Variants in NLGN4Y observed in about 807,000 individuals in gnomAD.
NLGN4Y encodes the protein neuroligin-4, Y-linked.
A neutral mutation model predicts 8.4 loss-of-function variants in NLGN4Y; 4 were observed. The ratio of observed to expected loss-of-function variants is 0.48; its 90% CI spans 0.23 to 1.09. The LOEUF is 1.09. NLGN4Y is among the 50% of genes least tolerant of loss of function. The probability of loss-of-function intolerance (pLI) is 0.19; values close to 1 mark genes in which losing one functional copy is unlikely to be tolerated. For missense variants in NLGN4Y, 90 were observed against 192.3 expected (o/e 0.47, Z 3.15); for synonymous variants, 35 against 75.6 (o/e 0.46, Z 2.78).
At chrY:14,598,905 A>G in intron 1 of NLGN4Y, among the ~76,000 whole-genome samples, 1 of 25,844 alleles carries the variant, frequency 3.9e-5, no homozygotes, top group Non-Finnish European at 8.7e-5. Flanking sequence ...ATATATATAT[A>G]TATATATCGC....
At chrY:14,749,366 G>A in intron 4 of NLGN4Y, among the ~76,000 whole-genome samples, 1 of 32,914 alleles carries the variant, frequency 3.0e-5, no homozygotes, top group African/African-American at 1.2e-4. Context: ...TATTTCTCAT[G>A]CATCCAGTAG....
At chrY:14,554,938 A>G (rs2080206625) in intron 1 of NLGN4Y, among the ~76,000 whole-genome samples, 1 of 33,453 alleles carries the variant, frequency 3.0e-5, no homozygotes, top group Non-Finnish European at 7.4e-5. Context: ...TGAAAAGTCA[A>G]TGTATTAATA....
chrY:14,785,017 A>T (rs2042957363), intron 4 of NLGN4Y, among the ~76,000 whole-genome samples: 1 of 33,276 alleles, frequency 3.0e-5, no homozygotes, highest in Non-Finnish European at 7.4e-5. Flanking sequence ...GAGGATAAGG[A>T]AAAATAAGTA....
chrY:14,786,626 G>A, intron 4 of NLGN4Y, among the ~76,000 whole-genome samples: 2 of 32,758 alleles, frequency 6.1e-5, no homozygotes, highest in African/African-American at 2.4e-4. Flanking sequence ...ATAGTTGCTG[G>A]AGGCTATTAT....
chrY:14,536,932 T>A, intron 1 of NLGN4Y, among the ~76,000 whole-genome samples: 1 of 33,063 alleles, frequency 3.0e-5, no homozygotes, highest in African/African-American at 1.2e-4. Context: ...ATTGCATCAT[T>A]TATGTGGACA....
chrY:14,539,943 C>T (rs779465586), intron 1 of NLGN4Y, among the ~76,000 whole-genome samples: 1 of 31,700 alleles, frequency 3.2e-5, no homozygotes, highest in South Asian at 7.5e-4. Context: ...TTGGTGAGAA[C>T]CATTCACTCC....
chrY:14,610,619 TC>T (rs2080463779), intron 1 of NLGN4Y, among the ~76,000 whole-genome samples: 2 of 32,899 alleles, frequency 6.1e-5, no homozygotes, highest in East Asian at 1.6e-3. Flanking sequence ...GTGTTTTACT[TC>T]CAATTTTGTA....
chrY:14,777,575 G>A, intron 4 of NLGN4Y, among the ~76,000 whole-genome samples: 1 of 29,619 alleles, frequency 3.4e-5, no homozygotes, highest in Non-Finnish European at 8.0e-5. Context: ...AAATTTTCAA[G>A]GTTTGGGGGT....
Position 14,842,449 on chromosome Y carries a change from G to C in NLGN4Y, c.*1187G>C, listed in dbSNP as rs1335796636. On this transcript the variant is annotated 3_prime_UTR_variant, in exon 7 of 7. Coordinates refer to ENST00000684976, the MANE Select transcript of NLGN4Y (RefSeq NM_001365588.1). Reference sequence around the variant, plus strand: ...TGCCTTTGGTGGGGCTATGCCCCTTGGAGTAAATACAGCTCTGTGTTCCCT... The same window carrying C: ...TGCCTTTGGTGGGGCTATGCCCCTTCGAGTAAATACAGCTCTGTGTTCCCT... 1 of 122,164 alleles carries C rather than the reference G, an allele frequency of 8.2e-6. No individual in the cohort carries two copies. The highest frequency in any genetic ancestry group is 1.0e-4 in the Admixed American group (1 of 9,930). 30.5% of individuals were successfully genotyped at this position (122,164 alleles called of 400,897 possible). A position where few individuals can be genotyped will look rare whatever the true frequency, so the allele number is the denominator to read the frequency against.
chrY:14,534,810 AT>A (rs2080126602), intron 1 of NLGN4Y, among the ~76,000 whole-genome samples: 1 of 23,140 alleles, frequency 4.3e-5, no homozygotes, highest in Admixed American at 3.9e-4. Context: ...TGTGTGTTTA[AT>A]CTCTCATGTC....
At chrY:14,685,376 T>C (rs2080785791) in intron 2 of NLGN4Y, among the ~76,000 whole-genome samples, 1 of 33,436 alleles carries the variant, frequency 3.0e-5, no homozygotes, top group Non-Finnish European at 7.4e-5. Context: ...CCTTCACGCT[T>C]GTCTTATGTC....
At chrY:14,548,039 C>A in intron 1 of NLGN4Y, among the ~76,000 whole-genome samples, 1 of 32,537 alleles carries the variant, frequency 3.1e-5, no homozygotes, top group South Asian at 7.1e-4. Context: ...TTGGGACTGA[C>A]GGATATGTTA....
intron 4 of NLGN4Y, among the ~76,000 whole-genome samples, chrY:14,753,490 A>G (rs2081048782): frequency 3.3e-5 from 1 of 29,998 alleles, no homozygotes; most frequent in Non-Finnish European, 7.9e-5. Flanking sequence ...TATATATATT[A>G]CATTTTTGTA....
chrY:14,630,699 C>T, intron 2 of NLGN4Y, among the ~76,000 whole-genome samples: 1 of 33,315 alleles, frequency 3.0e-5, no homozygotes, highest in Admixed American at 2.7e-4. Flanking sequence ...ACCCCAAGTC[C>T]GTTCTGGGAT....
chrY:14,606,659 C>A (rs2080447445), intron 1 of NLGN4Y, among the ~76,000 whole-genome samples: 2 of 32,900 alleles, frequency 6.1e-5, no homozygotes, highest in Non-Finnish European at 1.5e-4. Context: ...GCTATAATTA[C>A]AACCTGAGTC....
intron 6 of NLGN4Y, among the ~76,000 whole-genome samples, chrY:14,836,823 G>A (rs1367372406): frequency 1.8e-3 from 60 of 33,382 alleles, no homozygotes; most frequent in Non-Finnish European, 1.5e-4. Flanking sequence ...AAAGAGCAGT[G>A]CTTTAAAGTA....
chrY:14,752,485 T>C (rs2081044857), intron 4 of NLGN4Y, among the ~76,000 whole-genome samples: 1 of 33,524 alleles, frequency 3.0e-5, no homozygotes, highest in Non-Finnish European at 7.4e-5. Flanking sequence ...ATTGGACATC[T>C]TTAAACATTG....
chrY:14,725,975 G>C, intron 4 of NLGN4Y, among the ~76,000 whole-genome samples: 1 of 33,451 alleles, frequency 3.0e-5, no homozygotes, highest in Non-Finnish European at 7.4e-5. Context: ...CACAGATGCT[G>C]GCTTGAACCT....
In NLGN4Y at chrY:14,842,905, A is replaced by G; in HGVS notation, c.*1643A>G. 1 of 120,174 alleles carries G rather than the reference A, an allele frequency of 8.3e-6. No individual in the cohort carries two copies. Among genetic ancestry groups the G allele is most frequent in the Non-Finnish European group, 1.8e-5 (1 of 55,919 alleles). 30.0% of individuals were successfully genotyped at this position (120,174 alleles called of 400,897 possible). On this transcript the variant is annotated 3_prime_UTR_variant, in exon 7 of 7. Transcript: ENST00000684976. ...GTAGTATTACAAGGCAGAAGGAAAC[A>G]CAGTAGCAATGGTTGCTCTATATTT...
Sources: gnomAD v4.1 joint callset for allele counts (sites outside exome capture counted in the v4.1 genomes callset) on GRCh38, gnomAD v4.1.1 for gene constraint, MANE v1.5 for transcripts, NCBI Gene and HGNC (gene_info 2026-07-23, HGNC 2026-07-21) for gene names.